The following ANK2 variants were observed in gnomAD, a reference collection of about 807,000 sequenced individuals.
ANK2 encodes the protein ankyrin-2.
A neutral mutation model predicts 360.5 loss-of-function variants in ANK2; 83 were observed. That is an observed-to-expected ratio of 0.23 (90% CI 0.19 to 0.28). The LOEUF is 0.28. Ranked by LOEUF, ANK2 falls within the 10% of genes least tolerant of loss-of-function variation. The pLI, the probability that ANK2 is intolerant of heterozygous loss-of-function variation, is 1.00. For missense variants in ANK2, 4,201 were observed against 4,795.7 expected, an observed-to-expected ratio of 0.88 and a Z score of 3.66; for synonymous variants, 1,740 against 1,759.5, an observed-to-expected ratio of 0.99 and a Z score of 0.28.
chr4:112,850,248 T>TCATC (rs1254236913), intron 1 of ANK2, among the ~76,000 whole-genome samples: 46 of 137,764 alleles, frequency 3.3e-4, no homozygotes, highest in African/African-American at 1.1e-3. Flanking sequence ...ATAAGAAATT[T>TCATC]CATCTATCTA....
chr4:112,798,792 G>T, the ANK2 span: 1 of 152,216 alleles, frequency 6.6e-6, no homozygotes, highest in Admixed American at 6.6e-5. Context: ...CCATTGTCTT[G>T]GCTTGTCCAT....
At chr4:113,067,135 G>A (rs1483374972) in intron 1 of ANK2, among the ~76,000 whole-genome samples, 7 of 40,660 alleles carry the variant, frequency 1.7e-4, no homozygotes, top group African/African-American at 5.3e-4. Context: ...AAAACATGGC[G>A]AGATGTTTTT....
intron 1 of ANK2, among the ~76,000 whole-genome samples, chr4:112,847,930 T>C (rs1275196600): frequency 6.6e-6 from 1 of 152,132 alleles, no homozygotes; most frequent in Non-Finnish European, 1.5e-5. Context: ...TGCTTGCTTC[T>C]CTCACACATG....
intron 2 of ANK2, among the ~76,000 whole-genome samples, chr4:113,018,359 G>A (rs913785115): frequency 6.6e-6 from 1 of 152,170 alleles, no homozygotes; most frequent in Non-Finnish European, 1.5e-5. Context: ...TAAAATGCAT[G>A]ATTTTACTTT....
intron 2 of ANK2, among the ~76,000 whole-genome samples, chr4:112,959,640 A>G (rs746129165): frequency 1.8e-4 from 27 of 152,352 alleles, no homozygotes; most frequent in Middle Eastern, 6.8e-3. Flanking sequence ...TTTTATGACC[A>G]GAATTCCTAC....
chr4:112,922,447 A>G (rs1392410936), intron 2 of ANK2, among the ~76,000 whole-genome samples: 3 of 152,210 alleles, frequency 2.0e-5, no homozygotes, highest in Non-Finnish European at 4.4e-5. Flanking sequence ...ATTTAGCCCA[A>G]CTAGGCTGAA....
intron 1 of ANK2, among the ~76,000 whole-genome samples, chr4:112,842,688 T>TCGCTGGCC (rs1280174191): frequency 5.9e-5 from 9 of 152,220 alleles, no homozygotes; most frequent in Non-Finnish European, 2.9e-5. Flanking sequence ...GGCCTAAAGC[T>TCGCTGGCC]CGCTGGCCCA....
At chr4:113,334,082 C>A (rs1228405721) in intron 29 of ANK2, among the ~76,000 whole-genome samples, 1 of 152,160 alleles carries the variant, frequency 6.6e-6, no homozygotes, top group Non-Finnish European at 1.5e-5. Context: ...GCAAGTATAG[C>A]TGTTTATCAA....
chr4:113,174,669 T>G, intron 2 of ANK2, 152 bp downstream of exon 2: 1 of 610,102 alleles, frequency 1.6e-6, no homozygotes, highest in Non-Finnish European at 2.9e-6. Flanking sequence ...TACCAACTTT[T>G]CAAGTATCAG....
At chr4:112,969,556 G>T (rs533318698) in intron 2 of ANK2, among the ~76,000 whole-genome samples, 1 of 152,234 alleles carries the variant, frequency 6.6e-6, no homozygotes, top group African/African-American at 2.4e-5. Flanking sequence ...AGAGTGAAAA[G>T]GGGGAAGAGG....
At chr4:112,739,696 G>A in the ANK2 span, among the ~76,000 whole-genome samples, 133 of 152,254 alleles carry the variant, frequency 8.7e-4, 2 homozygotes, top group South Asian at 0.021. Flanking sequence ...GGAGGGAGAA[G>A]CAATTTCCTC....
chr4:113,000,414 T>G (rs2050189178), intron 2 of ANK2, among the ~76,000 whole-genome samples: 1 of 152,200 alleles, frequency 6.6e-6, no homozygotes, highest in South Asian at 2.1e-4. Flanking sequence ...CATCTATTGC[T>G]TTCCAACTGC....
Position 113,174,951 on chromosome 4 carries a change from G to A in ANK2, c.186+434G>A, listed in dbSNP as rs1259788582. Among the ~76,000 whole-genome samples the A allele has an allele frequency of 2.6e-5, 4 of 151,994 alleles. 1 individual carries two copies. Among genetic ancestry groups the A allele is most frequent in the Admixed American group, 2.6e-4 (4 of 15,266 alleles). On this transcript the variant is annotated intron_variant, in intron 2 of 45. Coordinates refer to ENST00000357077, the MANE Select transcript of ANK2 (RefSeq NM_001148.6). Reference sequence around the variant, plus strand: ...TTCTCCTAATTAATTTTAAAATATGGCTCATAATGAGAATAATTTGAAATT... The same window carrying A: ...TTCTCCTAATTAATTTTAAAATATGACTCATAATGAGAATAATTTGAAATT...
intron 4 of ANK2, among the ~76,000 whole-genome samples, chr4:113,201,515 T>C (rs1168423146): frequency 1.3e-5 from 2 of 152,246 alleles, no homozygotes; most frequent in Non-Finnish European, 2.9e-5. Flanking sequence ...GAATCAATAA[T>C]GTACTTATAC....
intron 1 of ANK2, among the ~76,000 whole-genome samples, chr4:113,137,897 A>T (rs147627029): frequency 6.6e-6 from 1 of 152,330 alleles, no homozygotes; most frequent in East Asian, 1.9e-4. Context: ...ACATAAGACC[A>T]CATTAACATA....
intron 23 of ANK2, among the ~76,000 whole-genome samples, chr4:113,305,339 CAAA>C (rs10667489): frequency 1.0e-5 from 1 of 96,990 alleles, no homozygotes; most frequent in Non-Finnish European, 1.9e-5. Flanking sequence ...GACTCCGTCT[CAAA>C]AAAAAAAAAA....
At chr4:112,777,743 G>A in the ANK2 span, among the ~76,000 whole-genome samples, 1 of 149,370 alleles carries the variant, frequency 6.7e-6, no homozygotes, top group African/African-American at 2.5e-5. Flanking sequence ...TCAGCCTCCC[G>A]AGTAGCTGTA....
the ANK2 span, among the ~76,000 whole-genome samples, chr4:112,717,209 T>C: frequency 1.3e-5 from 2 of 152,224 alleles, no homozygotes; most frequent in African/African-American, 4.8e-5. Context: ...ACCTTTATTC[T>C]ACTCTTATCA....
At chr4:112,784,066 G>A in the ANK2 span, among the ~76,000 whole-genome samples, 1 of 152,164 alleles carries the variant, frequency 6.6e-6, no homozygotes, top group Non-Finnish European at 1.5e-5. Context: ...CATGGTATGA[G>A]TAAACTCTAC....
Sources: allele counts gnomAD v4.1 joint callset (sites outside exome capture counted in the v4.1 genomes callset), GRCh38; gene constraint gnomAD v4.1.1; transcripts MANE v1.5; gene names NCBI Gene and HGNC (gene_info 2026-07-23, HGNC 2026-07-21).